Variants in FCGR3B observed in about 807,000 individuals in gnomAD.
FCGR3B encodes the protein low affinity immunoglobulin gamma Fc region receptor III-B.
FCGR3B carries 20 observed loss-of-function variants against 26.7 expected under a neutral mutation model. The observed-to-expected ratio is 0.75, with a 90% CI of 0.53 to 1.09. FCGR3B has a LOEUF of 1.09. Among genes scored for constraint, FCGR3B ranks in the 50% least tolerant of loss-of-function variants. The pLI, the probability that FCGR3B is intolerant of heterozygous loss-of-function variation, is 0.00. For missense variants in FCGR3B, 191 were observed against 279.7 expected, an observed-to-expected ratio of 0.68 and a Z score of 2.26; for synonymous variants, 79 against 107.0, an observed-to-expected ratio of 0.74 and a Z score of 1.62.
In FCGR3B at chr1:161,626,346, G is replaced by A. The variant is rs1339125649; in HGVS notation, c.376C>T (p.Leu126=). The change falls in exon 4 of 5, where the codon CTG becomes TTG. Residue 126 remains leucine (L), a synonymous_variant. Transcript: ENST00000650385. ...GTGTTCTTCCAGCTGTGACACCTCA[G>A]GTGAATAGGGTCTTCCTCCTTGAAC... The part of the protein sequence containing the change: ...WVFKEEDPIH[L]RCHSWKNTAL... 1.9e-5 allele frequency: 30 copies of A among 1,608,462 alleles called. No individual in the cohort carries two copies. The highest frequency in any genetic ancestry group is 2.5e-5 in the Non-Finnish European group (29 of 1,177,484).
chr1:161,631,089 C>T lies in FCGR3B; in HGVS notation c.6G>A (p.Trp2Ter). 4.4e-6 allele frequency: 7 copies of T among 1,607,198 alleles called. 1 individual carries two copies. The highest frequency in any genetic ancestry group is 5.9e-6 in the Non-Finnish European group (7 of 1,177,330). Residue 2 changes from tryptophan (W) to a stop codon, truncating the protein, a stop_gained, in exon 1 of 5, where the codon TGG becomes TGA. Coordinates refer to ENST00000650385, the MANE Select transcript of FCGR3B (RefSeq NM_001244753.2). LOFTEE classifies it high-confidence loss of function. The part of the protein sequence containing the change: M[W>*]QLLLPTALLL... The stretch of plus-strand genomic sequence containing the variant: ...GCAGAGCAGTTGGGAGGAGCAGCTG[C>T]CACATGATGCCACACTGGAGTGGAC...
At chr1:161,625,817 C>T (rs1363340279) in intron 4 of FCGR3B, among the ~76,000 whole-genome samples, 10 of 146,074 alleles carry the variant, frequency 6.8e-5, no homozygotes, top group Non-Finnish European at 9.0e-5. Flanking sequence ...GAGGCCAGCA[C>T]GATAGGAACA....
intron 1 of FCGR3B, chr1:161,630,843 C>G: frequency 8.6e-7 from 1 of 1,163,614 alleles, no homozygotes; most frequent in Non-Finnish European, 1.2e-6. Flanking sequence ...GGTGAAGTGA[C>G]TGGCCTCACT....
rs1293153948 is a variant in FCGR3B, at chr1:161,624,357, C to T, written c.*158G>A. The T allele has an allele frequency of 2.1e-5, 18 of 846,628 alleles. No individual in the cohort carries two copies. In the South Asian group the frequency reaches 3.1e-4, roughly 15 times the overall value. The allele number at this position is 846,628 out of a possible 1,614,324, so 52.4% of individuals were successfully genotyped here. A position where few individuals can be genotyped will look rare whatever the true frequency, so the allele number is the denominator to read the frequency against. On this transcript the variant is annotated 3_prime_UTR_variant, in exon 5 of 5. Transcript: ENST00000650385. The stretch of plus-strand genomic sequence containing the variant: ...GCTCTGAGTTCTATGTTTCCTGCTG[C>T]TTGTAGAGAGGCCTGAGGATGATGG...
chr1:161,631,322 G>T (rs1237238801), upstream of FCGR3B: 9 of 1,080,996 alleles, frequency 8.3e-6, no homozygotes, highest in Non-Finnish European at 1.2e-5. Context: ...GGCAAGGTGG[G>T]TGGGTGTGCC....
rs1357608756 is a variant in FCGR3B, at chr1:161,623,714, C to T, written c.*801G>A. On this transcript the variant is annotated 3_prime_UTR_variant, in exon 5 of 5. Transcript: ENST00000650385. Reference sequence around the variant, plus strand: ...CAGGGTTTGTTCTGTACTTTCTTTTCCACCCCACCCCCACCCCAATCCTCA... The same window carrying T: ...CAGGGTTTGTTCTGTACTTTCTTTTTCACCCCACCCCCACCCCAATCCTCA... 2 of 142,654 alleles carry T rather than the reference C, an allele frequency of 1.4e-5. No homozygotes were observed. The highest frequency in any genetic ancestry group is 1.4e-4 in the Admixed American group (2 of 14,188). The allele number at this position is 142,654 out of a possible 1,614,324, so 8.8% of individuals were successfully genotyped here.
intron 4 of FCGR3B, 57 bp from the exon 5 acceptor site, chr1:161,624,696 G>A (rs1217831041): frequency 4.0e-6 from 6 of 1,513,418 alleles, no homozygotes; most frequent in Admixed American, 1.8e-5. Context: ...CAGATATTTG[G>A]AACAAACAGT....
At chr1:161,628,841 T>C (rs1679603733) in intron 3 of FCGR3B, among the ~76,000 whole-genome samples, 1 of 145,182 alleles carries the variant, frequency 6.9e-6, no homozygotes, top group South Asian at 2.3e-4. Flanking sequence ...GAAAGACCCC[T>C]GCCTTCAAAA....
intron 4 of FCGR3B, among the ~76,000 whole-genome samples, chr1:161,625,319 C>T (rs1403492377): frequency 1.4e-5 from 2 of 138,062 alleles, no homozygotes; most frequent in Admixed American, 7.5e-5. Context: ...AGTCCAGGCA[C>T]ACCACTCTAG....
At position 161,631,162 on chromosome 1, in the gene FCGR3B, C is replaced by T. The variant is rs748283037; in HGVS notation, c.-68G>A. 8.1e-6 allele frequency: 13 copies of T among 1,607,448 alleles called. 1 individual carries two copies. The highest frequency in any genetic ancestry group is 7.8e-5 in the South Asian group (7 of 90,210). ...CCCTAAAGGGACCAAGCCGACTAGA[C>T]AGGAGGGAGTAAACAGCCTTTCCCC... On this transcript the variant is annotated 5_prime_UTR_variant, in exon 1 of 5. Coordinates refer to ENST00000650385, the MANE Select transcript of FCGR3B (RefSeq NM_001244753.2).
chr1:161,623,948 A>T lies in FCGR3B; in HGVS notation c.*567T>A, dbSNP rs952657453. On this transcript the variant is annotated 3_prime_UTR_variant, in exon 5 of 5. Transcript: ENST00000650385. ...GAACACCTCCCTTAGACTATCCTGG[A>T]CTACCCTGCTATTTCTCAGCCATGC... 2 of 151,640 alleles carry T rather than the reference A, an allele frequency of 1.3e-5. No homozygotes were observed. The highest frequency in any genetic ancestry group is 5.0e-5 in the African/African-American group (2 of 40,028). 9.4% of individuals were successfully genotyped at this position (151,640 alleles called of 1,614,324 possible). A position where few individuals can be genotyped will look rare whatever the true frequency, so the allele number is the denominator to read the frequency against.
intron 3 of FCGR3B, among the ~76,000 whole-genome samples, chr1:161,626,700 A>G (rs1679480984): frequency 6.7e-6 from 1 of 149,478 alleles, no homozygotes; most frequent in Admixed American, 6.7e-5. Flanking sequence ...TATCTGCAGG[A>G]TCCTTAAGTG....
rs755891248 is a variant in FCGR3B, at chr1:161,624,627, G to A, written c.590C>T (p.Ser197Leu). The part of the protein sequence containing the change: ...NITITQGLAV[S>L]TISSFSPPGY... ...AGGTGGAGAGAATGATGAGATGGTT[G>A]ACACTGCCAAACCTATTAGGAGAAG... The change falls in exon 5 of 5, where the codon TCA becomes TTA. Residue 197 changes from serine to leucine, a missense_variant. Physicochemically the swap from Ser to Leu is moderately radical, Grantham distance 145. Around this residue, in one of 2 missense-constraint regions of FCGR3B, gnomAD observed 103 missense variants for 114.5 expected, o/e 0.90. Coordinates refer to ENST00000650385, the MANE Select transcript of FCGR3B (RefSeq NM_001244753.2). 3.7e-6 allele frequency: 6 copies of A among 1,605,304 alleles called. No homozygotes were observed. Among genetic ancestry groups the A allele is most frequent in the Middle Eastern group, 3.3e-4 (2 of 6,040 alleles).
rs514246 is a variant in FCGR3B at position 161,630,864 on chromosome 1, A to C, written c.40+191T>G. Reference sequence around the variant, plus strand: ...GTGACTGGCCTCACTCATGACTATGACCCAATTGGAACCAGCATTCTCCTC... The same window carrying C: ...GTGACTGGCCTCACTCATGACTATGCCCCAATTGGAACCAGCATTCTCCTC... On this transcript the variant is annotated intron_variant, in intron 1 of 4. Coordinates refer to ENST00000650385, the MANE Select transcript of FCGR3B (RefSeq NM_001244753.2). The C allele has an allele frequency of 7.7e-3, 10,480 of 1,358,212 alleles. 100 individuals are homozygous for C. In the East Asian group the frequency reaches 0.095, roughly 12 times the overall value. 84.1% of individuals were successfully genotyped at this position (1,358,212 alleles called of 1,614,324 possible). A position where few individuals can be genotyped will look rare whatever the true frequency, so the allele number is the denominator to read the frequency against.
At chr1:161,630,441 A>C (rs1474459814) in intron 1 of FCGR3B, 53 bp from the exon 2 acceptor site, 14 of 1,558,550 alleles carry the variant, frequency 9.0e-6, no homozygotes, top group Non-Finnish European at 1.2e-5. Context: ...GATCAGAGTG[A>C]TTAGAACATA....
rs1320930554 is a variant in FCGR3B, at chr1:161,623,757, A to G, written c.*758T>C. ...AATCCTCAGTCCCCTTCCTAGGACCATTTTCTACTCCTAGCATTAGAGGAC... is the reference window on the plus strand; with the variant it reads ...AATCCTCAGTCCCCTTCCTAGGACCGTTTTCTACTCCTAGCATTAGAGGAC... On this transcript the variant is annotated 3_prime_UTR_variant, in exon 5 of 5. Coordinates refer to ENST00000650385, the MANE Select transcript of FCGR3B (RefSeq NM_001244753.2). 2.5e-5 allele frequency: 3 copies of G among 121,218 alleles called. No homozygotes were observed. The highest frequency in any genetic ancestry group is 3.4e-5 in the African/African-American group (1 of 29,416). 7.5% of individuals were successfully genotyped at this position (121,218 alleles called of 1,614,324 possible).
intron 4 of FCGR3B, among the ~76,000 whole-genome samples, chr1:161,625,533 C>G (rs1283397285): frequency 4.1e-5 from 5 of 123,324 alleles, no homozygotes; most frequent in Non-Finnish European, 8.4e-5. Context: ...GGAATATTAC[C>G]TATCTCATGT....
rs1200612223 is a variant in FCGR3B, at chr1:161,628,108, C to T, written c.319+1670G>A. ...CTAATGCCGTGAAACCCTGTCTCTA[C>T]TAAAAATACAAAAAATTAGCCGGGC... On this transcript the variant is annotated intron_variant, in intron 3 of 4. Coordinates refer to ENST00000650385, the MANE Select transcript of FCGR3B (RefSeq NM_001244753.2). Among the ~76,000 whole-genome samples, 12 of 149,644 alleles carry T rather than the reference C, an allele frequency of 8.0e-5. 1 individual carries two copies. The highest frequency in any genetic ancestry group is 2.7e-4 in the African/African-American group (11 of 40,092).
At chr1:161,631,348 A>G (rs1250328982), upstream of FCGR3B, 2 of 755,844 alleles carry the variant, frequency 2.6e-6, no homozygotes, top group Non-Finnish European at 4.3e-6. Context: ...TACTCTCCCA[A>G]AGGTCTGCGG....
Sources: gnomAD v4.1 joint callset for allele counts (sites outside exome capture counted in the v4.1 genomes callset) on GRCh38, gnomAD v4.1.1 for gene constraint, gnomAD v4.1.1 regional missense constraint, MANE v1.5 for transcripts, NCBI Gene and HGNC (gene_info 2026-07-23, HGNC 2026-07-21) for gene names.